The following ZNF607 variants were observed in gnomAD, a reference collection of about 807,000 sequenced individuals.
The protein encoded by ZNF607 is zinc finger protein 607.
In ZNF607, 5 loss-of-function variants were observed where a neutral mutation model predicts 12.8. The observed-to-expected ratio is 0.39, with a 90% CI of 0.20 to 0.82. The LOEUF (loss-of-function observed/expected upper bound fraction) is 0.82, where lower values mean the gene tolerates loss of function less well. Among genes scored for constraint, ZNF607 ranks in the 40% least tolerant of loss-of-function variants. The probability of loss-of-function intolerance (pLI) is 0.39; values close to 1 mark genes in which losing one functional copy is unlikely to be tolerated. For synonymous variants in ZNF607, 287 were observed against 276.2 expected (o/e 1.04, Z -0.39); for missense variants, 851 against 859.2 (o/e 0.99, Z 0.12).
Position 37,696,853 on chromosome 19 carries a change from GCCA to G in ZNF607, c.*1184_*1186del. On this transcript the variant is annotated 3_prime_UTR_variant, in exon 5 of 5. Transcript: ENST00000355202. ...TCTGGCGCTCTCTGCTTCCTGGGGG[GCCA>G]CCTGTCTGTTAACTCCTTCAAGAAG... 2.5e-6 allele frequency: 2 copies of G among 804,718 alleles called. No individual in the cohort carries two copies. Among genetic ancestry groups the G allele is most frequent in the Admixed American group, 4.0e-5 (2 of 49,858 alleles). 49.8% of individuals were successfully genotyped at this position (804,718 alleles called of 1,614,324 possible).
intron 1 of ZNF607, among the ~76,000 whole-genome samples, chr19:37,718,425 G>T (rs2045196209): frequency 6.6e-6 from 1 of 152,160 alleles, no homozygotes; most frequent in South Asian, 2.1e-4. Flanking sequence ...AAGTATGTTG[G>T]ATGGAACCTG....
intron 4 of ZNF607, among the ~76,000 whole-genome samples, chr19:37,703,388 A>T (rs2045056016): frequency 6.6e-6 from 1 of 152,224 alleles, no homozygotes; most frequent in Admixed American, 6.5e-5. Flanking sequence ...ATTACATAAA[A>T]TGTTTAGGGT....
At position 37,698,884 on chromosome 19, in the gene ZNF607, G is replaced by T; in HGVS notation, c.1247C>A (p.Thr416Asn). The T allele has an allele frequency of 6.2e-7, 1 of 1,613,834 alleles. No individual in the cohort carries two copies. ...SSLKIHQNIH[T>N]GEKPYKCKEC... is the part of the protein sequence containing the mutation. Reference sequence around the variant, plus strand: ...CTTACATTTGTAGGGTTTCTCACCGGTATGAATATTTTGATGTATTTTAAG... The same window carrying T: ...CTTACATTTGTAGGGTTTCTCACCGTTATGAATATTTTGATGTATTTTAAG... The change falls in exon 5 of 5, where the codon ACC becomes AAC. Residue 416 changes from threonine to asparagine, a missense_variant. Physicochemically the swap from Thr to Asn is moderately conservative, Grantham distance 65. Coordinates refer to ENST00000355202, the MANE Select transcript of ZNF607 (RefSeq NM_032689.5).
chr19:37,707,921 C>T lies in ZNF607; in HGVS notation c.228G>A (p.Glu76=), dbSNP rs1274798056. Residue 76 remains glutamate (E), a synonymous_variant, in exon 4 of 5, where the codon GAG becomes GAA. Transcript: ENST00000355202. The stretch of plus-strand genomic sequence containing the variant: ...TGCCTGACTTGCTCTTACCTGTACA[C>T]TCTCCTCTTGTTTCTTCCCTCACAA... ...WMIVREETRG[E]CTDLDSRCEI... is the part of the protein sequence containing the mutation. The T allele has an allele frequency of 1.9e-6, 3 of 1,613,806 alleles. No individual in the cohort carries two copies. Among genetic ancestry groups the T allele is most frequent in the Non-Finnish European group, 1.7e-6 (2 of 1,179,816 alleles).
intron 1 of ZNF607, 127 bp downstream of exon 1, chr19:37,719,142 T>A (rs2045202168): frequency 6.5e-6 from 1 of 152,928 alleles, no homozygotes; most frequent in South Asian, 2.1e-4. Context: ...CGTACTAGGC[T>A]GAGGAAGGCA....
rs780296760 is a variant in ZNF607 at position 37,699,867 on chromosome 19, G to A, written c.264C>T (p.Ser88=). The change falls in exon 5 of 5, where the codon AGC becomes AGT. Residue 88 remains serine (S), a synonymous_variant. Coordinates refer to ENST00000355202, the MANE Select transcript of ZNF607 (RefSeq NM_032689.5). The part of the protein sequence containing the change: ...TDLDSRCEII[S]DGKMQLYRKH... ...TCCTATAAAGCTGCATTTTCCCATC[G>A]CTGATTATTTCACATCTTGAATCCA... The A allele has an allele frequency of 1.1e-5, 18 of 1,595,140 alleles. No individual in the cohort carries two copies. The highest frequency in any genetic ancestry group is 1.8e-5 in the Admixed American group (1 of 56,114).
chr19:37,699,957 T>A, intron 4 of ZNF607, 62 bp from the exon 5 acceptor site: 1 of 1,400,390 alleles, frequency 7.1e-7, no homozygotes, highest in Non-Finnish European at 9.6e-7. Context: ...ATTGTAGAAT[T>A]AAGAGAAATT....
intron 2 of ZNF607, among the ~76,000 whole-genome samples, chr19:37,710,477 A>AAAAAAAAAAG (rs1555735219): frequency 6.3e-5 from 9 of 142,388 alleles, no homozygotes; most frequent in African/African-American, 1.0e-4. Flanking sequence ...AAAAAAAAAA[A>AAAAAAAAAAG]AAAAGAAAAG....
chr19:37,714,345 AGCAGCAG>A, intron 1 of ZNF607, among the ~76,000 whole-genome samples: 3 of 149,136 alleles, frequency 2.0e-5, no homozygotes, highest in African/African-American at 7.6e-5. Context: ...CAACAACAGC[AGCAGCAG>A]CAGCAGCAGC....
At chr19:37,714,843 A>G (rs1169487627) in intron 1 of ZNF607, among the ~76,000 whole-genome samples, 2 of 152,206 alleles carry the variant, frequency 1.3e-5, no homozygotes, top group African/African-American at 2.4e-5. Flanking sequence ...ATGTTAAAAA[A>G]TACCACATGC....
chr19:37,715,596 C>T (rs2045170158), intron 1 of ZNF607, among the ~76,000 whole-genome samples: 1 of 148,772 alleles, frequency 6.7e-6, no homozygotes, highest in Non-Finnish European at 1.5e-5. Flanking sequence ...CAGAATGAAA[C>T]TCCATCTAAA....
intron 4 of ZNF607, among the ~76,000 whole-genome samples, chr19:37,707,568 G>A (rs539258044): frequency 1.4e-4 from 22 of 152,126 alleles, no homozygotes; most frequent in African/African-American, 5.3e-4. Context: ...CCAGGAGTTT[G>A]ACAACAGCCC....
At chr19:37,702,682 A>G (rs1230733731) in intron 4 of ZNF607, among the ~76,000 whole-genome samples, 1 of 152,216 alleles carries the variant, frequency 6.6e-6, no homozygotes, top group Non-Finnish European at 1.5e-5. Flanking sequence ...CTTTAATATG[A>G]CTGTTAAAAG....
Position 37,697,020 on chromosome 19 carries a change from T to C in ZNF607, c.*1020A>G, listed in dbSNP as rs755100379. 1.8e-5 allele frequency: 13 copies of C among 723,230 alleles called. No homozygotes were observed. Among genetic ancestry groups the C allele is most frequent in the Non-Finnish European group, 3.1e-5 (12 of 389,888 alleles). The allele number at this position is 723,230 out of a possible 1,614,324, so 44.8% of individuals were successfully genotyped here. A position where few individuals can be genotyped will look rare whatever the true frequency, so the allele number is the denominator to read the frequency against. ...AGCATCAAAGCGAGCCACCAGTGAC[T>C]TGAGGATCTCCGTGGTAATGAACGG... On this transcript the variant is annotated 3_prime_UTR_variant, in exon 5 of 5. Transcript: ENST00000355202.
In ZNF607 at chr19:37,705,721, C is replaced by G. The variant is rs2045076853; in HGVS notation, c.235+2193G>C. 4.0e-5 allele frequency among the ~76,000 whole-genome samples: 6 copies of G among 148,914 alleles called. No homozygotes were observed. In the South Asian group the frequency reaches 1.3e-3, roughly 32 times the overall value. On this transcript the variant is annotated intron_variant, in intron 4 of 4. Transcript: ENST00000355202. ...AAAAAAAAAAACTTAGATGCATGTT[C>G]AACTTCCAAGAAAAATACAAAGCAC...
intron 3 of ZNF607, 52 bp downstream of exon 3, chr19:37,709,644 C>T (rs973921424): frequency 4.9e-5 from 77 of 1,572,914 alleles, no homozygotes; most frequent in African/African-American, 8.1e-5. Flanking sequence ...ATGTATCCTA[C>T]GAAACAGATG....
intron 3 of ZNF607, among the ~76,000 whole-genome samples, 194 bp downstream of exon 3, chr19:37,709,502 G>A (rs2045113587): frequency 6.6e-6 from 1 of 152,144 alleles, no homozygotes; most frequent in Admixed American, 6.5e-5. Flanking sequence ...GAATGTCACT[G>A]AAAGATAGAG....
At chr19:37,709,941 G>A in intron 2 of ZNF607, 119 bp from the exon 3 acceptor site, 1 of 1,117,392 alleles carries the variant, frequency 8.9e-7, no homozygotes, top group Non-Finnish European at 1.3e-6. Flanking sequence ...CAGATCATGA[G>A]GTCAAGAGAT....
chr19:37,710,238 G>A (rs753407612), intron 2 of ZNF607, among the ~76,000 whole-genome samples: 46 of 152,078 alleles, frequency 3.0e-4, no homozygotes, highest in Non-Finnish European at 5.7e-4. Flanking sequence ...GCCAAGGCGG[G>A]CAGATTACCT....
Sources: gnomAD v4.1 joint callset for allele counts (sites outside exome capture counted in the v4.1 genomes callset) on GRCh38, gnomAD v4.1.1 for gene constraint, MANE v1.5 for transcripts, NCBI Gene and HGNC (gene_info 2026-07-23, HGNC 2026-07-21) for gene names.